Variants in SPATS2 observed in about 807,000 individuals in gnomAD.
SPATS2 encodes spermatogenesis-associated serine-rich protein 2.
In SPATS2, 38 loss-of-function variants were observed where a neutral mutation model predicts 63.7. The ratio of observed to expected loss-of-function variants is 0.60; its 90% CI spans 0.46 to 0.78. The LOEUF is 0.78. Among genes scored for constraint, SPATS2 ranks in the 30% least tolerant of loss-of-function variants. The pLI, the probability that SPATS2 is intolerant of heterozygous loss-of-function variation, is 0.00. For synonymous variants in SPATS2, 207 were observed against 232.9 expected, an observed-to-expected ratio of 0.89 and a Z score of 1.01; for missense variants, 588 against 666.2, an observed-to-expected ratio of 0.88 and a Z score of 1.29.
intron 7 of SPATS2, 53 bp from the exon 8 acceptor site, chr12:49,496,780 G>A: frequency 1.9e-6 from 3 of 1,572,100 alleles, no homozygotes. Flanking sequence ...ACTTAAGAAT[G>A]ACTGGTTTAC....
At chr12:49,416,047 C>G (rs1046341587) in intron 2 of SPATS2, among the ~76,000 whole-genome samples, 1 of 144,258 alleles carries the variant, frequency 6.9e-6, no homozygotes, top group East Asian at 2.0e-4. Context: ...AATGGCAGAA[C>G]AAAAAAATCT....
Position 49,468,334 on chromosome 12 carries a change from A to G in SPATS2, c.25+7297A>G, listed in dbSNP as rs370367892. ...ACCACCATGCCCAGCTAATTTTTGTATTTTTAGTAGAGACGGGGTTTCACC... is the reference window on the plus strand; with the variant it reads ...ACCACCATGCCCAGCTAATTTTTGTGTTTTTAGTAGAGACGGGGTTTCACC... On this transcript the variant is annotated intron_variant, in intron 3 of 13. Coordinates refer to ENST00000552918, the MANE Select transcript of SPATS2 (RefSeq NM_023071.4). Among the ~76,000 whole-genome samples, 72 of 150,574 alleles carry G rather than the reference A, an allele frequency of 4.8e-4. No individual in the cohort carries two copies. In the South Asian group the frequency reaches 0.012, roughly 25 times the overall value.
intron 2 of SPATS2, among the ~76,000 whole-genome samples, chr12:49,404,133 CAATT>C (rs1187817880): frequency 1.3e-5 from 2 of 152,028 alleles, no homozygotes; most frequent in Non-Finnish European, 2.9e-5. Context: ...GCAGGGAAGA[CAATT>C]AAACCAGAAA....
intron 2 of SPATS2, among the ~76,000 whole-genome samples, chr12:49,446,428 G>A (rs1464026530): frequency 6.6e-6 from 1 of 152,200 alleles, no homozygotes; most frequent in Non-Finnish European, 1.5e-5. Flanking sequence ...CTTTCAGGAA[G>A]CTCTAGTGAA....
intron 2 of SPATS2, among the ~76,000 whole-genome samples, chr12:49,457,718 C>G (rs1945744651): frequency 1.3e-5 from 2 of 152,178 alleles, no homozygotes; most frequent in Non-Finnish European, 2.9e-5. Context: ...CAGGTGTGAG[C>G]CACCATGCCC....
chr12:49,448,899 A>T (rs1000621665), intron 2 of SPATS2, among the ~76,000 whole-genome samples: 15 of 152,302 alleles, frequency 9.8e-5, no homozygotes, highest in African/African-American at 3.6e-4. Context: ...AGCTTTCTCT[A>T]TAAAGGGCCA....
intron 2 of SPATS2, among the ~76,000 whole-genome samples, chr12:49,443,568 T>TA (rs202090772): frequency 2.3e-3 from 342 of 150,942 alleles, no homozygotes; most frequent in Non-Finnish European, 3.9e-3. Flanking sequence ...GAACTCTCAC[T>TA]AAAAAAAAAT....
chr12:49,421,436 A>C (rs890040191), intron 2 of SPATS2, among the ~76,000 whole-genome samples: 6 of 150,980 alleles, frequency 4.0e-5, no homozygotes, highest in African/African-American at 9.7e-5. Flanking sequence ...AAAAAAAAAA[A>C]AAAAAAACAA....
At chr12:49,476,901 T>C (rs542688329) in intron 3 of SPATS2, among the ~76,000 whole-genome samples, 20 of 151,974 alleles carry the variant, frequency 1.3e-4, no homozygotes, top group African/African-American at 4.8e-4. Context: ...AGGTCAGGAG[T>C]TTGAAACCAG....
Position 49,404,153 on chromosome 12 carries a change from A to G in SPATS2, c.-244+32863A>G, listed in dbSNP as rs193147611. 1.6e-4 allele frequency among the ~76,000 whole-genome samples: 24 copies of G among 152,268 alleles called. No individual in the cohort carries two copies. In the East Asian group the frequency reaches 2.5e-3, roughly 16 times the overall value. ...GAAGACAATTAAACCAGAAATTACA[A>G]TTTAACGTGGTGAATGCTATGATAG... On this transcript the variant is annotated intron_variant, in intron 2 of 13. Transcript: ENST00000552918.
chr12:49,386,339 T>G (rs1257163189), intron 2 of SPATS2, among the ~76,000 whole-genome samples: 3 of 151,904 alleles, frequency 2.0e-5, no homozygotes, highest in Non-Finnish European at 2.9e-5. Flanking sequence ...AATTTTTGTA[T>G]TTTTAGTAGA....
At chr12:49,482,420 G>T (rs1332622906) in intron 3 of SPATS2, among the ~76,000 whole-genome samples, 2 of 152,104 alleles carry the variant, frequency 1.3e-5, no homozygotes, top group Non-Finnish European at 2.9e-5. Context: ...GTCTGATGGC[G>T]CTTTCTATAC....
At chr12:49,510,332 T>G (rs2138015990) in intron 9 of SPATS2, among the ~76,000 whole-genome samples, 2 of 150,654 alleles carry the variant, frequency 1.3e-5, no homozygotes, top group South Asian at 4.2e-4. Context: ...GAGGCTGATG[T>G]GGATGGATCG....
rs377221108 is a variant in SPATS2 at position 49,449,682 on chromosome 12, A to G, written c.-243-11088A>G. ...AAAGAGGAGCAAAGTCATGTCTTAC[A>G]TGGAAGCAGGCAAGAAAGTTTGTGC... On this transcript the variant is annotated intron_variant, in intron 2 of 13. Coordinates refer to ENST00000552918, the MANE Select transcript of SPATS2 (RefSeq NM_023071.4). 5.0e-4 allele frequency among the ~76,000 whole-genome samples: 76 copies of G among 152,318 alleles called. No homozygotes were observed. The South Asian group carries it at 0.012, about 25-fold the overall frequency.
chr12:49,395,035 C>T (rs1465688891), intron 2 of SPATS2, among the ~76,000 whole-genome samples: 12 of 151,712 alleles, frequency 7.9e-5, no homozygotes, highest in South Asian at 2.1e-4. Context: ...ATCCCACCAC[C>T]GCACTCCAGC....
intron 8 of SPATS2, among the ~76,000 whole-genome samples, chr12:49,498,055 G>T (rs1172022318): frequency 6.7e-6 from 1 of 148,908 alleles, no homozygotes; most frequent in Admixed American, 6.7e-5. Flanking sequence ...TTTTAATTAG[G>T]TAAGCTCCCC....
chr12:49,491,624 A>G (rs1160243831), intron 6 of SPATS2, among the ~76,000 whole-genome samples: 1 of 152,216 alleles, frequency 6.6e-6, no homozygotes, highest in Non-Finnish European at 1.5e-5. Flanking sequence ...CTATGGGATC[A>G]GTCAGAACTG....
chr12:49,496,893 T>A lies in SPATS2; in HGVS notation c.587T>A (p.Ile196Asn). The A allele has an allele frequency of 6.2e-7, 1 of 1,614,054 alleles. No individual in the cohort carries two copies. The highest frequency in any genetic ancestry group is 8.5e-7 in the Non-Finnish European group (1 of 1,179,984). ...ACCAAGTCTTTGACTATGCACTCTA[T>A]TCACAATTCTCAACAACCCAGGAAT... Reference protein sequence around the residue: ...FETKSLTMHSIHNSQQPRNAA... With the variant: ...FETKSLTMHSNHNSQQPRNAA... The change falls in exon 8 of 14, where the codon ATT (isoleucine) becomes AAT (asparagine). Residue 196 changes from isoleucine (I) to asparagine (N), a missense_variant. Physicochemically the swap from Ile to Asn is moderately radical, Grantham distance 149. Transcript: ENST00000552918.
chr12:49,464,236 G>A (rs576950305), intron 3 of SPATS2, among the ~76,000 whole-genome samples: 2 of 152,190 alleles, frequency 1.3e-5, no homozygotes, highest in South Asian at 2.1e-4. Flanking sequence ...GGGTGTGGTA[G>A]CTAAAGCCTA....
Sources: allele counts gnomAD v4.1 joint callset (sites outside exome capture counted in the v4.1 genomes callset), GRCh38; gene constraint gnomAD v4.1.1; transcripts MANE v1.5; gene names NCBI Gene and HGNC (gene_info 2026-07-23, HGNC 2026-07-21).